MTOR: variants seen among roughly 807,000 people sequenced by gnomAD.
MTOR encodes the protein mechanistic target of rapamycin kinase.
In MTOR, 70 loss-of-function variants were observed where a neutral mutation model predicts 319.8. That is an observed-to-expected ratio of 0.22 (90% CI 0.18 to 0.27). The LOEUF (loss-of-function observed/expected upper bound fraction) is 0.27, where lower values mean the gene tolerates loss of function less well. Ranked by LOEUF, MTOR falls within the 10% of genes least tolerant of loss-of-function variation. The probability of loss-of-function intolerance (pLI) is 1.00; values close to 1 mark genes in which losing one functional copy is unlikely to be tolerated. For missense variants in MTOR, 1,890 were observed against 3,274.4 expected (o/e 0.58, Z 10.32); for synonymous variants, 1,183 against 1,211.4 (o/e 0.98, Z 0.49).
chr1:11,258,428 G>A, intron 3 of MTOR, 57 bp downstream of exon 3: 1 of 1,184,834 alleles, frequency 8.4e-7, no homozygotes, highest in Non-Finnish European at 1.2e-6. Flanking sequence ...CAGACACAGG[G>A]TGCAGTGGGC....
Position 11,247,616 on chromosome 1 carries a change from C to A in MTOR, c.1225+9G>T. The A allele has an allele frequency of 6.2e-7, 1 of 1,612,682 alleles. No homozygotes were observed. The highest frequency in any genetic ancestry group is 8.5e-7 in the Non-Finnish European group (1 of 1,178,810). ...GATGGGTAATGATGTCTTCCATGGA[C>A]ATCCTCACCTGTGAAGGCAGAAGGT... is the stretch of plus-strand genomic sequence containing the variant. On this transcript the variant is annotated intron_variant, in intron 8 of 57. Coordinates refer to ENST00000361445, the MANE Select transcript of MTOR (RefSeq NM_004958.4).
rs767454853 is a variant in MTOR at position 11,108,295 on chromosome 1, G to A, written c.7529-9C>T. On this transcript the variant is annotated splice_polypyrimidine_tract_variant and intron_variant, in intron 56 of 57. Coordinates refer to ENST00000361445, the MANE Select transcript of MTOR (RefSeq NM_004958.4). ...ATGAGAGAAGTCCCGACCTAGCACAGGAGGAACAAAAACATTTCACTCTCT... is the reference window on the plus strand; with the variant it reads ...ATGAGAGAAGTCCCGACCTAGCACAAGAGGAACAAAAACATTTCACTCTCT... 4.4e-6 allele frequency: 7 copies of A among 1,608,580 alleles called. No homozygotes were observed. The highest frequency in any genetic ancestry group is 6.0e-6 in the Non-Finnish European group (7 of 1,175,150).
intron 30 of MTOR, among the ~76,000 whole-genome samples, chr1:11,156,781 GTTC>G (rs1260882489): frequency 2.0e-5 from 3 of 152,302 alleles, no homozygotes; most frequent in Non-Finnish European, 2.9e-5. Flanking sequence ...GGCAGTCACT[GTTC>G]TTCTTTCCTA....
chr1:11,232,578 A>G (rs751921740), intron 15 of MTOR, 50 bp from the exon 16 acceptor site: 8 of 1,547,270 alleles, frequency 5.2e-6, no homozygotes, highest in Non-Finnish European at 7.1e-6. Flanking sequence ...TTCTGGCATT[A>G]GAAAGTATTT....
chr1:11,239,101 G>A (rs1001698370), intron 11 of MTOR, among the ~76,000 whole-genome samples: 13 of 152,092 alleles, frequency 8.5e-5, no homozygotes, highest in Non-Finnish European at 1.6e-4. Context: ...AGGGTAACAA[G>A]GGGGATTTCA....
intron 28 of MTOR, among the ~76,000 whole-genome samples, chr1:11,184,560 G>A (rs1267077702): frequency 6.6e-6 from 1 of 151,922 alleles, no homozygotes; most frequent in Non-Finnish European, 1.5e-5. Context: ...GTGAGACTCC[G>A]TCTCTACAAA....
At chr1:11,184,149 T>C (rs78701949) in intron 28 of MTOR, among the ~76,000 whole-genome samples, 4,793 of 152,304 alleles carry the variant, frequency 0.031, 196 homozygotes, top group African/African-American at 0.074. Context: ...TATTTAACCC[T>C]TTGCTTTATT....
Position 11,213,377 on chromosome 1 carries a change from G to C in MTOR, c.3285+22C>G. The C allele has an allele frequency of 1.9e-6, 3 of 1,601,932 alleles. No homozygotes were observed. In the South Asian group the frequency reaches 3.3e-5, roughly 18 times the overall value. ...CAGAGGAAATCAGAAAATCTCTCTG[G>C]AGGATGACGTAGGCTACTCACCTTG... On this transcript the variant is annotated intron_variant, in intron 21 of 57. Transcript: ENST00000361445.
At chr1:11,241,751 T>C in intron 9 of MTOR, 70 bp from the exon 10 acceptor site, 1 of 1,556,842 alleles carries the variant, frequency 6.4e-7, no homozygotes, top group Non-Finnish European at 8.7e-7. Context: ...CAAAATCACC[T>C]TGGGGCAAGG....
chr1:11,153,968 C>CTGGG (rs1321750730), intron 30 of MTOR, among the ~76,000 whole-genome samples: 1 of 141,722 alleles, frequency 7.1e-6, no homozygotes, highest in Non-Finnish European at 1.5e-5. Context: ...ACTCAGGAGG[C>CTGGG]TGGGGCAGGA....
intron 53 of MTOR, among the ~76,000 whole-genome samples, chr1:11,113,918 T>C (rs967731380): frequency 6.6e-6 from 1 of 152,188 alleles, no homozygotes; most frequent in Non-Finnish European, 1.5e-5. Context: ...CTCGTGATAG[T>C]GACTGAGTTC....
At chr1:11,248,231 A>ACTT in intron 6 of MTOR, 137 bp from the exon 7 acceptor site, 3 of 912,428 alleles carry the variant, frequency 3.3e-6, no homozygotes, top group Non-Finnish European at 5.0e-6. Flanking sequence ...GCCACTCTTC[A>ACTT]TGTTTAGGGT....
intron 28 of MTOR, chr1:11,193,884 A>C: frequency 1.8e-6 from 2 of 1,122,202 alleles, no homozygotes; most frequent in Non-Finnish European, 2.5e-6. Context: ...CTGTATATTC[A>C]TTGTGATGGT....
At chr1:11,194,924 T>C (rs752014708) in intron 28 of MTOR, 2 of 1,614,124 alleles carry the variant, frequency 1.2e-6, no homozygotes, top group South Asian at 1.1e-5. Context: ...GTGAGCACAA[T>C]AAGCACCTGG....
In MTOR at chr1:11,129,478, T is replaced by C. The variant is rs1643008106; in HGVS notation, c.5714+260A>G. 6.6e-6 allele frequency among the ~76,000 whole-genome samples: 1 copy of C among 152,212 alleles called. No homozygotes were observed. Among genetic ancestry groups the C allele is most frequent in the Admixed American group, 6.5e-5 (1 of 15,280 alleles). ...AAAAAGAAATATTGTGATTAACAGA[T>C]GGGTTAATAATCCCTCCATAATAAA... is the stretch of plus-strand genomic sequence containing the variant. On this transcript the variant is annotated intron_variant, in intron 40 of 57. Transcript: ENST00000361445. This position sits in a 1 kb window ranked among gnomAD's most constrained non-coding sequence, Gnocchi z 4.7.
chr1:11,144,986 ACT>A lies in MTOR; in HGVS notation c.4744_4745del (p.Ser1582LeufsTer66). On this transcript the variant is annotated frameshift_variant, in exon 33 of 58. Transcript: ENST00000361445. LOFTEE classifies it high-confidence loss of function. ...DAELTAMAGE[S>X]YSRAYGAMVS... ...CACTTACCCCATATGCCCGACTGTA[ACT>A]CTCTCCTGCCATCGCAGTTAATTCA... 6.2e-7 allele frequency: 1 copy of A among 1,614,022 alleles called. No homozygotes were observed. The highest frequency in any genetic ancestry group is 2.2e-5 in the East Asian group (1 of 44,878).
At chr1:11,151,240 C>T (rs1644131679) in intron 30 of MTOR, among the ~76,000 whole-genome samples, 1 of 152,138 alleles carries the variant, frequency 6.6e-6, no homozygotes, top group Non-Finnish European at 1.5e-5. Flanking sequence ...TACTCAGGGC[C>T]ATTATCCAGC....
chr1:11,112,775 C>T (rs916296190), intron 54 of MTOR, 77 bp downstream of exon 54: 10 of 1,457,264 alleles, frequency 6.9e-6, no homozygotes, highest in Middle Eastern at 1.7e-4. Flanking sequence ...ATGCACCCAC[C>T]GACTGAAGCC....
intron 28 of MTOR, among the ~76,000 whole-genome samples, chr1:11,187,634 C>G (rs920587502): frequency 6.6e-6 from 1 of 152,198 alleles, no homozygotes; most frequent in African/African-American, 2.4e-5. Context: ...TGGTACATAG[C>G]ACTTCTGTGG....
Sources: allele counts gnomAD v4.1 joint callset (sites outside exome capture counted in the v4.1 genomes callset), GRCh38; gene constraint gnomAD v4.1.1; non-coding constraint Gnocchi (gnomAD v3.1); transcripts MANE v1.5; gene names NCBI Gene and HGNC (gene_info 2026-07-23, HGNC 2026-07-21).